UBR3: variants seen among roughly 807,000 people sequenced by gnomAD.
The protein encoded by UBR3 is ubiquitin protein ligase E3 component n-recognin 3.
In UBR3, 85 loss-of-function variants were observed where a neutral mutation model predicts 243.2. The ratio of observed to expected loss-of-function variants is 0.35; its 90% CI spans 0.29 to 0.42. The LOEUF (loss-of-function observed/expected upper bound fraction) is 0.42, where lower values mean the gene tolerates loss of function less well. Among genes scored for constraint, UBR3 ranks in the 10% least tolerant of loss-of-function variants. The pLI, the probability that UBR3 is intolerant of heterozygous loss-of-function variation, is 1.00. For missense variants in UBR3, 1,686 were observed against 2,300.8 expected (o/e 0.73, Z 5.47); for synonymous variants, 748 against 799.8 (o/e 0.94, Z 1.09).
intron 32 of UBR3, among the ~76,000 whole-genome samples, chr2:170,044,141 T>C (rs2105434267): frequency 6.6e-6 from 1 of 152,292 alleles, no homozygotes; most frequent in Admixed American, 6.5e-5. Flanking sequence ...TCCCTTTTGA[T>C]GTAAGAGTTA....
intron 24 of UBR3, among the ~76,000 whole-genome samples, chr2:169,959,911 T>G (rs946527640): frequency 6.6e-6 from 1 of 152,174 alleles, no homozygotes; most frequent in East Asian, 1.9e-4. Context: ...TGACCTCTTG[T>G]GATGGGTTGC....
At chr2:170,000,068 G>A (rs2089640084) in intron 26 of UBR3, among the ~76,000 whole-genome samples, 1 of 151,844 alleles carries the variant, frequency 6.6e-6, no homozygotes, top group African/African-American at 2.4e-5. Context: ...GGAGGTTGTG[G>A]TGAGCCGAGA....
intron 24 of UBR3, 117 bp from the exon 25 acceptor site, chr2:169,986,528 G>T: frequency 1.1e-6 from 1 of 886,816 alleles, no homozygotes; most frequent in Non-Finnish European, 1.7e-6. Context: ...TTTTATTACT[G>T]TATACTTTAT....
intron 36 of UBR3, chr2:170,077,912 G>C: frequency 2.0e-6 from 1 of 503,750 alleles, no homozygotes; most frequent in Non-Finnish European, 3.7e-6. Flanking sequence ...TAACACTTCT[G>C]TATCTCCCTG....
intron 27 of UBR3, among the ~76,000 whole-genome samples, chr2:170,006,294 C>T (rs962817914): frequency 2.0e-5 from 3 of 152,178 alleles, no homozygotes; most frequent in African/African-American, 7.2e-5. Context: ...ACTCTTTATG[C>T]TATCACCTTG....
rs546355351 is a variant in UBR3, at chr2:169,863,258, TG to T, written c.546-8973del. On this transcript the variant is annotated intron_variant, in intron 1 of 38. Coordinates refer to ENST00000272793, the MANE Select transcript of UBR3 (RefSeq NM_172070.4). ...TCAGAGGAATCATAAGGAGAGTTTC[TG>T]GGGGTAATGTTCTGTTTCTTGATCT... is the stretch of plus-strand genomic sequence containing the variant. Among the ~76,000 whole-genome samples, 41 of 152,322 alleles carry T rather than the reference TG, an allele frequency of 2.7e-4. No individual in the cohort carries two copies. The South Asian group carries it at 2.9e-3, about 11-fold the overall frequency.
chr2:169,939,106 T>G (rs1411499532), intron 19 of UBR3, among the ~76,000 whole-genome samples: 1 of 152,110 alleles, frequency 6.6e-6, no homozygotes. Flanking sequence ...TTCCTATTAT[T>G]TATTTGTGTT....
At chr2:169,925,518 T>C (rs1393918239) in intron 13 of UBR3, 101 bp from the exon 14 acceptor site, 2 of 1,085,852 alleles carry the variant, frequency 1.8e-6, no homozygotes, top group East Asian at 2.7e-5. Flanking sequence ...ATCGGGCTTA[T>C]ACTATGATCA....
At chr2:169,937,474 G>A (rs1372441344) in intron 19 of UBR3, among the ~76,000 whole-genome samples, 2 of 152,112 alleles carry the variant, frequency 1.3e-5, no homozygotes, top group African/African-American at 4.8e-5. Flanking sequence ...TCACTCTGAT[G>A]GTAGTTTCTT....
chr2:169,942,315 A>T (rs1009625964), intron 19 of UBR3, among the ~76,000 whole-genome samples, 178 bp from the exon 20 acceptor site: 1 of 152,188 alleles, frequency 6.6e-6, no homozygotes, highest in African/African-American at 2.4e-5. Flanking sequence ...CCATTAGGAA[A>T]AGAAATAGTA....
chr2:170,058,560 C>T (rs373350371), intron 33 of UBR3, among the ~76,000 whole-genome samples: 1 of 148,624 alleles, frequency 6.7e-6, no homozygotes, highest in African/African-American at 2.5e-5. Flanking sequence ...CTATCGCCCA[C>T]GTTGGAGTGC....
At chr2:170,006,617 C>T (rs1390222830) in intron 27 of UBR3, among the ~76,000 whole-genome samples, 2 of 152,138 alleles carry the variant, frequency 1.3e-5, no homozygotes, top group African/African-American at 4.8e-5. Context: ...TAGTCAGTTA[C>T]AGATTATGAA....
intron 1 of UBR3, among the ~76,000 whole-genome samples, chr2:169,847,290 C>T (rs1369721046): frequency 1.3e-5 from 2 of 152,036 alleles, no homozygotes; most frequent in Non-Finnish European, 2.9e-5. Flanking sequence ...TTTGCTTTTT[C>T]TCTTTTATGC....
chr2:170,015,358 C>T lies in UBR3; in HGVS notation c.4445C>T (p.Ser1482Phe). Residue 1482 changes from serine (S) to phenylalanine (F), a missense_variant, in exon 30 of 39, where the codon TCT (serine) becomes TTT (phenylalanine). This residue lies in a region of UBR3 where 371 missense variants were observed against 422.5 expected (regional missense o/e 0.88). Transcript: ENST00000272793. ...SGGASTAGKR[S>F]CLNQLFHVLA... Reference sequence around the variant, plus strand: ...GGTGCAAGCACAGCTGGCAAAAGGTCTTGTTTAAGTAAGTACTAAATACTG... The same window carrying T: ...GGTGCAAGCACAGCTGGCAAAAGGTTTTGTTTAAGTAAGTACTAAATACTG... 1 of 1,610,868 alleles carries T rather than the reference C, an allele frequency of 6.2e-7. No homozygotes were observed. The highest frequency in any genetic ancestry group is 8.5e-7 in the Non-Finnish European group (1 of 1,178,304).
chr2:169,872,328 T>C lies in UBR3; in HGVS notation c.638T>C (p.Phe213Ser), dbSNP rs1423240699. 1 of 1,521,550 alleles carries C rather than the reference T, an allele frequency of 6.6e-7. No individual in the cohort carries two copies. The highest frequency in any genetic ancestry group is 1.4e-5 in the African/African-American group (1 of 72,416). 94.3% of individuals were successfully genotyped at this position (1,521,550 alleles called of 1,614,324 possible). The change falls in exon 2 of 39, where the codon TTT becomes TCT. Residue 213 changes from phenylalanine (F) to serine (S), a missense_variant. Transcript: ENST00000272793. ...LMMSEFVLPR[F>S]IFCLIQYLRE... ...ATGTCTGAATTTGTTCTTCCAAGAT[T>C]TATATTTTGTCTTATTCAGTACTTA...
chr2:169,926,424 C>T (rs2085911480), intron 14 of UBR3, among the ~76,000 whole-genome samples: 1 of 152,040 alleles, frequency 6.6e-6, no homozygotes, highest in Non-Finnish European at 1.5e-5. Context: ...CCTGTCTCTA[C>T]TAAAAATACA....
At chr2:170,016,598 G>C (rs1010181254) in intron 30 of UBR3, among the ~76,000 whole-genome samples, 1 of 151,608 alleles carries the variant, frequency 6.6e-6, no homozygotes, top group Non-Finnish European at 1.5e-5. Context: ...TTGATGTTTG[G>C]CATTGGCTGA....
chr2:169,878,381 G>T, intron 4 of UBR3, 144 bp from the exon 5 acceptor site: 11 of 629,248 alleles, frequency 1.7e-5, no homozygotes, highest in Non-Finnish European at 2.6e-5. Context: ...AAAAAAAGTT[G>T]GACTTTGCCA....
chr2:169,866,354 GT>G (rs1041392195), intron 1 of UBR3, among the ~76,000 whole-genome samples: 12 of 149,720 alleles, frequency 8.0e-5, no homozygotes, highest in Non-Finnish European at 1.6e-4. Flanking sequence ...GCTGGAAGAA[GT>G]TTTTTTGTTT....
Sources: allele counts gnomAD v4.1 joint callset (sites outside exome capture counted in the v4.1 genomes callset), GRCh38; gene constraint gnomAD v4.1.1; regional missense constraint gnomAD v4.1.1; transcripts MANE v1.5; gene names NCBI Gene and HGNC (gene_info 2026-07-23, HGNC 2026-07-21).